The following ARHGAP24 variants were observed in gnomAD, a reference collection of about 807,000 sequenced individuals.
The protein encoded by ARHGAP24 is Rho GTPase activating protein 24, also known as rho GTPase-activating protein 24.
In ARHGAP24, 50 loss-of-function variants were observed where a neutral mutation model predicts 76.4. The ratio of observed to expected loss-of-function variants is 0.65; its 90% CI spans 0.52 to 0.83. The LOEUF is 0.83. Ranked by LOEUF, ARHGAP24 falls within the 40% of genes least tolerant of loss-of-function variation. The pLI is 0.00. For missense variants in ARHGAP24, 930 were observed against 914.2 expected, an observed-to-expected ratio of 1.02 and a Z score of -0.22; for synonymous variants, 345 against 323.3, an observed-to-expected ratio of 1.07 and a Z score of -0.72.
Position 85,732,694 on chromosome 4 carries a change from C to CTTT in ARHGAP24, c.268+10736_268+10738dup, listed in dbSNP as rs5859999. ...GATTAATAAACAAAAATTCAAACTT[C>CTTT]TTTTTTTTTTTTTTTTGAGACAGAG... On this transcript the variant is annotated intron_variant, in intron 3 of 9. Transcript: ENST00000395184. Among the ~76,000 whole-genome samples the CTTT allele has an allele frequency of 1.3e-4, 18 of 136,818 alleles. 2 individuals carry two copies. The highest frequency in any genetic ancestry group is 2.3e-4 in the South Asian group (1 of 4,264). The allele number at this position is 136,818 out of a possible 152,430, so 89.8% of individuals were successfully genotyped here.
At chr4:85,704,517 G>C (rs1027520367) in intron 2 of ARHGAP24, among the ~76,000 whole-genome samples, 13 of 152,146 alleles carry the variant, frequency 8.5e-5, no homozygotes, top group Admixed American at 5.2e-4. Context: ...GTATCTAAAT[G>C]TAACTTTTGC....
chr4:85,940,977 AAATCCTTAATCT>A (rs1161190051), intron 4 of ARHGAP24, among the ~76,000 whole-genome samples: 2 of 152,188 alleles, frequency 1.3e-5, no homozygotes, highest in African/African-American at 4.8e-5. Context: ...TGGTATGATC[AAATCCTTAATCT>A]AATGCCTGTT....
At chr4:85,517,039 A>G (rs948471002) in intron 1 of ARHGAP24, among the ~76,000 whole-genome samples, 8 of 152,066 alleles carry the variant, frequency 5.3e-5, no homozygotes, top group Non-Finnish European at 5.9e-5. Flanking sequence ...CTTTTCCTTC[A>G]GTGAGTTGAG....
intron 3 of ARHGAP24, among the ~76,000 whole-genome samples, chr4:85,777,457 A>T (rs1727349907): frequency 6.6e-6 from 1 of 152,228 alleles, no homozygotes; most frequent in Non-Finnish European, 1.5e-5. Flanking sequence ...AAGGAGCCAG[A>T]TCAAATGGAA....
intron 3 of ARHGAP24, among the ~76,000 whole-genome samples, chr4:85,755,649 T>TTTTTTTTTTG (rs1553927708): frequency 4.2e-5 from 6 of 143,102 alleles, no homozygotes; most frequent in Admixed American, 7.0e-5. Flanking sequence ...TTGTTTTGTT[T>TTTTTTTTTTG]TGAGACGGAG....
intron 2 of ARHGAP24, among the ~76,000 whole-genome samples, chr4:85,717,849 G>A (rs1578167641): frequency 6.6e-6 from 1 of 152,062 alleles, no homozygotes; most frequent in African/African-American, 2.4e-5. Context: ...TGTACTGAGA[G>A]CAAAGAGTTT....
intron 1 of ARHGAP24, among the ~76,000 whole-genome samples, chr4:85,501,498 T>C (rs1215180578): frequency 6.6e-6 from 1 of 152,238 alleles, no homozygotes; most frequent in East Asian, 1.9e-4. Flanking sequence ...TTTTTTCATG[T>C]GTCTGTTGGC....
chr4:85,785,164 G>T (rs1727773039), intron 3 of ARHGAP24, among the ~76,000 whole-genome samples: 1 of 152,098 alleles, frequency 6.6e-6, no homozygotes, highest in Non-Finnish European at 1.5e-5. Context: ...TGTCAATAAT[G>T]AATAACCTAT....
At position 85,477,225 on chromosome 4, in the gene ARHGAP24, G is replaced by A. The variant is rs79540722; in HGVS notation, c.-21+1666G>A. On this transcript the variant is annotated intron_variant, in intron 1 of 9. Coordinates refer to ENST00000395184, the MANE Select transcript of ARHGAP24 (RefSeq NM_001025616.3). ...CGGTAATTCTTTCTGCATGTGGAGG[G>A]GCTGTTGAAACTCAGACTGTCCTTG... Among the ~76,000 whole-genome samples the A allele has an allele frequency of 4.9e-3, 739 of 152,102 alleles. 4 individuals are homozygous for A. Among genetic ancestry groups the A allele is most frequent in the African/African-American group, 0.017 (701 of 41,466 alleles).
chr4:85,940,146 A>G (rs1736875221), intron 4 of ARHGAP24, among the ~76,000 whole-genome samples: 2 of 152,152 alleles, frequency 1.3e-5, no homozygotes, highest in Admixed American at 1.3e-4. Context: ...AAAAGTTGTT[A>G]CTACCATTGA....
At chr4:85,511,758 C>A (rs1233902028) in intron 1 of ARHGAP24, among the ~76,000 whole-genome samples, 3 of 152,206 alleles carry the variant, frequency 2.0e-5, no homozygotes, top group Non-Finnish European at 2.9e-5. Flanking sequence ...AGCCAACCCG[C>A]CTGGCCGAAA....
intron 2 of ARHGAP24, among the ~76,000 whole-genome samples, chr4:85,718,997 G>A (rs1047724688): frequency 1.3e-5 from 2 of 152,062 alleles, no homozygotes; most frequent in East Asian, 3.9e-4. Context: ...AACTAAACAG[G>A]AGTTATACAT....
intron 3 of ARHGAP24, among the ~76,000 whole-genome samples, chr4:85,877,036 G>A (rs769452638): frequency 3.9e-5 from 6 of 152,040 alleles, no homozygotes; most frequent in South Asian, 4.2e-4. Context: ...CATGTAAATC[G>A]TCAGTTATAG....
intron 2 of ARHGAP24, among the ~76,000 whole-genome samples, chr4:85,604,458 A>C (rs1720127304): frequency 6.6e-6 from 1 of 152,264 alleles, no homozygotes; most frequent in South Asian, 2.1e-4. Flanking sequence ...GGCACTTGGC[A>C]AGATAAATTC....
rs374481748 is a variant in ARHGAP24 at position 85,931,306 on chromosome 4, C to G, written c.391+7536C>G. 2.6e-5 allele frequency among the ~76,000 whole-genome samples: 4 copies of G among 152,150 alleles called. No homozygotes were observed. In the East Asian group the frequency reaches 7.7e-4, roughly 29 times the overall value. ...GGGGATCACCTTGACTGACAGGGGA[C>G]TAAGTAAGCTGGGCTGACCGTCCTC... On this transcript the variant is annotated intron_variant, in intron 4 of 9. Transcript: ENST00000395184.
Position 85,558,672 on chromosome 4 carries a change from T to G in ARHGAP24, c.-20-11850T>G, listed in dbSNP as rs561871443. Among the ~76,000 whole-genome samples the G allele has an allele frequency of 9.5e-4, 144 of 152,322 alleles. 1 individual carries two copies. The South Asian group carries it at 0.017, about 18-fold the overall frequency. ...TTTAGTGATTAGCACAAGATTTATA[T>G]ACTTAGAAAGCCTAATCATTTTGCT... On this transcript the variant is annotated intron_variant, in intron 1 of 9. Coordinates refer to ENST00000395184, the MANE Select transcript of ARHGAP24 (RefSeq NM_001025616.3).
At chr4:85,782,052 GAAA>G (rs1342695240) in intron 3 of ARHGAP24, among the ~76,000 whole-genome samples, 1 of 40,544 alleles carries the variant, frequency 2.5e-5, no homozygotes, top group Non-Finnish European at 6.3e-5. Flanking sequence ...AAAAAAAAAA[GAAA>G]AAAAAAAGAA....
intron 1 of ARHGAP24, among the ~76,000 whole-genome samples, chr4:85,505,597 CTG>C (rs1724011185): frequency 6.6e-6 from 1 of 152,100 alleles, no homozygotes; most frequent in Non-Finnish European, 1.5e-5. Flanking sequence ...CTTCTCTACA[CTG>C]TTTGTTCCAG....
chr4:85,848,070 C>G (rs892438710), intron 3 of ARHGAP24, among the ~76,000 whole-genome samples: 1 of 152,158 alleles, frequency 6.6e-6, no homozygotes, highest in Non-Finnish European at 1.5e-5. Context: ...ACAATCTATA[C>G]AGTGAGGCAG....
Sources: allele counts gnomAD v4.1 joint callset (sites outside exome capture counted in the v4.1 genomes callset), GRCh38; gene constraint gnomAD v4.1.1; transcripts MANE v1.5; gene names NCBI Gene and HGNC (gene_info 2026-07-23, HGNC 2026-07-21).